The following TAPT1 variants were observed in gnomAD, a reference collection of about 807,000 sequenced individuals.
TAPT1 encodes the protein transmembrane anterior posterior transformation 1, also known as transmembrane anterior posterior transformation protein 1 homolog.
TAPT1 carries 28 observed loss-of-function variants against 65.6 expected under a neutral mutation model. The observed-to-expected ratio is 0.43, with a 90% CI of 0.32 to 0.59. TAPT1 has a LOEUF of 0.59. Ranked by LOEUF, TAPT1 falls within the 20% of genes least tolerant of loss-of-function variation. TAPT1 has a pLI of 0.09. For synonymous variants in TAPT1, 278 were observed against 245.2 expected (o/e 1.13, Z -1.25); for missense variants, 563 against 679.9 (o/e 0.83, Z 1.91).
At chr4:16,186,687 A>G in intron 6 of TAPT1, 83 bp from the exon 7 acceptor site, 1 of 1,368,736 alleles carries the variant, frequency 7.3e-7, no homozygotes, top group Non-Finnish European at 1.0e-6. Flanking sequence ...TTCCGGGAGA[A>G]CAACATATAG....
chr4:16,226,254 C>A lies in TAPT1; in HGVS notation c.199+5G>T. 1 of 1,120,200 alleles carries A rather than the reference C, an allele frequency of 8.9e-7. No homozygotes were observed. Among genetic ancestry groups the A allele is most frequent in the Non-Finnish European group, 1.1e-6 (1 of 917,214 alleles). 69.4% of individuals were successfully genotyped at this position (1,120,200 alleles called of 1,614,324 possible). A position where few individuals can be genotyped will look rare whatever the true frequency, so the allele number is the denominator to read the frequency against. ...CCCGCCACGGCCTAGCGCCGCCCGC[C>A]TCACCTGTGCGGCCCCGGCGCCTCT... On this transcript the variant is annotated splice_donor_5th_base_variant and intron_variant, in intron 1 of 13. Transcript: ENST00000405303.
At chr4:16,221,196 C>T (rs1188916134) in intron 1 of TAPT1, among the ~76,000 whole-genome samples, 3 of 152,148 alleles carry the variant, frequency 2.0e-5, no homozygotes, top group Non-Finnish European at 4.4e-5. Context: ...TCTCGTCTCA[C>T]TGCAACCTCC....
intron 12 of TAPT1, among the ~76,000 whole-genome samples, chr4:16,169,098 A>C (rs1055250598): frequency 6.6e-6 from 1 of 152,210 alleles, no homozygotes; most frequent in African/African-American, 2.4e-5. Flanking sequence ...AGAAGAGGAT[A>C]ATTTAGGAAT....
intron 2 of TAPT1, among the ~76,000 whole-genome samples, chr4:16,212,859 GCT>G (rs2108887992): frequency 6.6e-6 from 1 of 152,062 alleles, no homozygotes; most frequent in African/African-American, 2.4e-5. Flanking sequence ...TCTACATTTC[GCT>G]CTTTTTCTTC....
rs188971628 is a variant in TAPT1 at position 16,213,780 on chromosome 4, T to C, written c.318A>G (p.Arg106=). ...GAAAAAATAGTACCTTTTCCAATTC[T>C]CTTGGTATTCGCAAACAAGTGTATA... ...ERVYTCLRIP[R]ELEKLMVFGI... Residue 106 remains arginine, a synonymous_variant, in exon 2 of 14, where the codon AGA becomes AGG. Coordinates refer to ENST00000405303, the MANE Select transcript of TAPT1 (RefSeq NM_153365.3). 1.3e-6 allele frequency: 2 copies of C among 1,568,570 alleles called. No homozygotes were observed. Among genetic ancestry groups the C allele is most frequent in the Admixed American group, 4.2e-5 (2 of 47,510 alleles).
At chr4:16,173,837 T>C (rs1179612415) in intron 11 of TAPT1, among the ~76,000 whole-genome samples, 1 of 152,244 alleles carries the variant, frequency 6.6e-6, no homozygotes, top group Non-Finnish European at 1.5e-5. Flanking sequence ...CATTGCCTTG[T>C]AGAAACACTG....
intron 2 of TAPT1, among the ~76,000 whole-genome samples, chr4:16,209,350 A>T (rs1750528689): frequency 1.3e-5 from 2 of 152,250 alleles, no homozygotes; most frequent in Non-Finnish European, 2.9e-5. Context: ...ATATCTCCTA[A>T]GCTAGGTGTG....
chr4:16,195,525 A>T (rs1398841692), intron 3 of TAPT1, among the ~76,000 whole-genome samples: 3 of 152,232 alleles, frequency 2.0e-5, no homozygotes, highest in African/African-American at 7.2e-5. Context: ...CAAAACTTAA[A>T]CATTTTTCAA....
chr4:16,215,724 T>C (rs984572261), intron 1 of TAPT1, among the ~76,000 whole-genome samples: 3 of 152,226 alleles, frequency 2.0e-5, no homozygotes, highest in Admixed American at 2.0e-4. Flanking sequence ...GTAAACTCTA[T>C]TGTATAAATT....
chr4:16,215,144 A>G (rs1410922500), intron 1 of TAPT1, among the ~76,000 whole-genome samples: 1 of 151,962 alleles, frequency 6.6e-6, no homozygotes, highest in Admixed American at 6.6e-5. Flanking sequence ...AAAAAAAATT[A>G]GCCGGGCGTG....
intron 6 of TAPT1, 32 bp from the exon 7 acceptor site, chr4:16,186,636 G>T: frequency 6.9e-7 from 1 of 1,454,164 alleles, no homozygotes; most frequent in South Asian, 1.2e-5. Flanking sequence ...CCATCTTTAT[G>T]ATTATAACAG....
intron 1 of TAPT1, among the ~76,000 whole-genome samples, chr4:16,225,355 C>G (rs1287367673): frequency 6.6e-6 from 1 of 152,210 alleles, no homozygotes; most frequent in South Asian, 2.1e-4. Flanking sequence ...GAAATAACGG[C>G]TAACACAGCC....
At chr4:16,199,616 C>A (rs1172469354) in intron 3 of TAPT1, among the ~76,000 whole-genome samples, 4 of 151,604 alleles carry the variant, frequency 2.6e-5, no homozygotes, top group African/African-American at 9.7e-5. Flanking sequence ...TTTAAAGAGA[C>A]AGTCTTGCTC....
intron 7 of TAPT1, among the ~76,000 whole-genome samples, chr4:16,180,953 C>T (rs750172628): frequency 1.3e-5 from 2 of 152,198 alleles, no homozygotes; most frequent in Non-Finnish European, 2.9e-5. Flanking sequence ...CACTGAGATG[C>T]CTCTTTAGGA....
chr4:16,226,472 A>T (rs1751574931), upstream of TAPT1: 2 of 1,052,658 alleles, frequency 1.9e-6, no homozygotes, highest in Non-Finnish European at 2.3e-6. Flanking sequence ...CGAGCACAAC[A>T]AACTGTCCCC....
At chr4:16,209,038 A>AT (rs926724769) in intron 2 of TAPT1, among the ~76,000 whole-genome samples, 3 of 151,722 alleles carry the variant, frequency 2.0e-5, no homozygotes, top group Non-Finnish European at 4.4e-5. Context: ...TAATTTTTGT[A>AT]TTTTTTGTAG....
At chr4:16,215,621 C>A (rs115597613) in intron 1 of TAPT1, among the ~76,000 whole-genome samples, 47 of 152,278 alleles carry the variant, frequency 3.1e-4, no homozygotes, top group African/African-American at 1.1e-3. Flanking sequence ...GCCAGCCTCA[C>A]GCAACAGGAG....
intron 7 of TAPT1, among the ~76,000 whole-genome samples, chr4:16,180,592 A>G (rs926755263): frequency 2.0e-5 from 3 of 152,102 alleles, no homozygotes; most frequent in African/African-American, 4.8e-5. Context: ...CTGAATTTCA[A>G]TTTCATCCTG....
chr4:16,205,686 C>A (rs938950439), intron 2 of TAPT1, among the ~76,000 whole-genome samples: 1 of 151,816 alleles, frequency 6.6e-6, no homozygotes, highest in East Asian at 1.9e-4. Flanking sequence ...AGAAGACAGG[C>A]ACTAGATTTT....
Sources: gnomAD v4.1 joint callset for allele counts (sites outside exome capture counted in the v4.1 genomes callset) on GRCh38, gnomAD v4.1.1 for gene constraint, MANE v1.5 for transcripts, NCBI Gene and HGNC (gene_info 2026-07-23, HGNC 2026-07-21) for gene names.